DNM3: variants seen among roughly 807,000 people sequenced by gnomAD.
DNM3 encodes dynamin 3, also known as dynamin-3.
Under a neutral mutation model 101.6 loss-of-function variants are expected in DNM3, and 47 were observed. The ratio of observed to expected loss-of-function variants is 0.46; its 90% CI spans 0.37 to 0.59. The LOEUF (loss-of-function observed/expected upper bound fraction) is 0.59. DNM3 is among the 20% of genes least tolerant of loss of function. The pLI, the probability that DNM3 is intolerant of heterozygous loss-of-function variation, is 0.00. For missense variants in DNM3, 849 were observed against 1,085.7 expected (o/e 0.78, Z 3.06); for synonymous variants, 385 against 387.9 (o/e 0.99, Z 0.09).
At chr1:172,376,957 C>T (rs2068634049) in intron 17 of DNM3, among the ~76,000 whole-genome samples, 1 of 151,944 alleles carries the variant, frequency 6.6e-6, no homozygotes, top group South Asian at 2.1e-4. Context: ...GTTAAGAAAG[C>T]TGTAAAATGG....
chr1:171,893,161 ACTGT>A (rs765427600), intron 1 of DNM3, among the ~76,000 whole-genome samples: 4 of 152,026 alleles, frequency 2.6e-5, no homozygotes, highest in Non-Finnish European at 4.4e-5. Flanking sequence ...ATAGAGTTAG[ACTGT>A]CTGTTTTGTC....
At chr1:172,396,879 C>G (rs2070048358) in intron 20 of DNM3, among the ~76,000 whole-genome samples, 1 of 152,064 alleles carries the variant, frequency 6.6e-6, no homozygotes, top group South Asian at 2.1e-4. Context: ...ATGAGAAAGA[C>G]TTTTAAAGGC....
chr1:172,192,059 C>A (rs1353291817), intron 14 of DNM3, among the ~76,000 whole-genome samples: 2 of 152,158 alleles, frequency 1.3e-5, no homozygotes, highest in Non-Finnish European at 2.9e-5. Flanking sequence ...GAGAGGGCAT[C>A]CCTGTCTTGT....
intron 12 of DNM3, among the ~76,000 whole-genome samples, chr1:172,082,874 T>C (rs2053259512): frequency 6.6e-6 from 1 of 152,232 alleles, no homozygotes; most frequent in African/African-American, 2.4e-5. Context: ...TTGGCTGTGG[T>C]TGTGATGTCC....
chr1:171,858,972 A>G (rs1474935426), intron 1 of DNM3, among the ~76,000 whole-genome samples: 2 of 152,264 alleles, frequency 1.3e-5, no homozygotes, highest in Non-Finnish European at 1.5e-5. Flanking sequence ...GTAACCTTCC[A>G]ATCTGACTTT....
intron 10 of DNM3, among the ~76,000 whole-genome samples, chr1:172,061,005 AAAAC>A (rs2051137002): frequency 1.7e-5 from 2 of 116,422 alleles, no homozygotes; most frequent in South Asian, 2.8e-4. Flanking sequence ...TTACAAGAAA[AAAAC>A]AAACAACCCC....
chr1:171,885,928 G>A (rs1343270801), intron 1 of DNM3, among the ~76,000 whole-genome samples: 3 of 152,158 alleles, frequency 2.0e-5, no homozygotes, highest in Non-Finnish European at 4.4e-5. Context: ...AGACCCCTGA[G>A]GGTACAGGAT....
intron 14 of DNM3, among the ~76,000 whole-genome samples, chr1:172,252,912 A>C (rs556834604): frequency 1.7e-4 from 26 of 152,262 alleles, no homozygotes; most frequent in African/African-American, 5.5e-4. Context: ...GTCCACTTCT[A>C]ATGAATTTTT....
chr1:172,171,044 T>A (rs2058939301), intron 14 of DNM3, among the ~76,000 whole-genome samples: 3 of 151,826 alleles, frequency 2.0e-5, no homozygotes, highest in Admixed American at 2.0e-4. Flanking sequence ...TGTATGCTGG[T>A]CTTGTTTGTT....
At chr1:172,018,667 T>G (rs1276660286) in intron 4 of DNM3, among the ~76,000 whole-genome samples, 1 of 152,208 alleles carries the variant, frequency 6.6e-6, no homozygotes, top group Non-Finnish European at 1.5e-5. Context: ...TTCCTTGTAT[T>G]GTTTCTGTCA....
intron 4 of DNM3, among the ~76,000 whole-genome samples, chr1:172,018,391 G>A (rs150962065): frequency 4.6e-5 from 7 of 152,070 alleles, no homozygotes; most frequent in Middle Eastern, 3.4e-3. Flanking sequence ...CTTCTAAGTG[G>A]TTGCTCTAGA....
At chr1:172,057,378 A>G (rs899051968) in intron 10 of DNM3, among the ~76,000 whole-genome samples, 13 of 152,170 alleles carry the variant, frequency 8.5e-5, no homozygotes, top group African/African-American at 2.7e-4. Flanking sequence ...GAGCAACTCC[A>G]AGACACATAA....
At chr1:172,068,697 T>C in intron 10 of DNM3, 122 bp from the exon 11 acceptor site, 2 of 814,590 alleles carry the variant, frequency 2.5e-6, no homozygotes, top group East Asian at 2.7e-5. Context: ...GTTGATGATA[T>C]TTCATTTTTG....
intron 16 of DNM3, among the ~76,000 whole-genome samples, chr1:172,318,083 A>G (rs902943470): frequency 2.0e-5 from 3 of 152,246 alleles, no homozygotes; most frequent in Non-Finnish European, 4.4e-5. Flanking sequence ...CTGGTTCAAT[A>G]TATGTAAATC....
At chr1:172,204,017 A>G (rs2060243610) in intron 14 of DNM3, among the ~76,000 whole-genome samples, 1 of 152,148 alleles carries the variant, frequency 6.6e-6, no homozygotes, top group Non-Finnish European at 1.5e-5. Context: ...GCTATTAAAC[A>G]TATACTTCTG....
chr1:172,290,469 C>CT (rs2063863799), intron 15 of DNM3, among the ~76,000 whole-genome samples: 1 of 152,048 alleles, frequency 6.6e-6, no homozygotes, highest in Non-Finnish European at 1.5e-5. Flanking sequence ...GCCAATGTGG[C>CT]TGGAGCAGAA....
At chr1:171,908,482 T>A (rs2039011754) in intron 1 of DNM3, among the ~76,000 whole-genome samples, 1 of 152,162 alleles carries the variant, frequency 6.6e-6, no homozygotes, top group Non-Finnish European at 1.5e-5. Flanking sequence ...GTTTTTTCCA[T>A]CCAGTGGATC....
intron 14 of DNM3, among the ~76,000 whole-genome samples, chr1:172,209,486 A>G (rs2060438120): frequency 6.6e-6 from 1 of 152,020 alleles, no homozygotes; most frequent in Non-Finnish European, 1.5e-5. Context: ...ATTTCTGTTT[A>G]CCCAGGAGCC....
At chr1:172,311,236 A>G (rs1428921932) in intron 16 of DNM3, 1 of 152,048 alleles carries the variant, frequency 6.6e-6, no homozygotes, top group Non-Finnish European at 1.5e-5. Flanking sequence ...GAATATTATC[A>G]TACAGCCCAG....
Sources: allele counts gnomAD v4.1 joint callset (sites outside exome capture counted in the v4.1 genomes callset), GRCh38; gene constraint gnomAD v4.1.1; transcripts MANE v1.5; gene names NCBI Gene and HGNC (gene_info 2026-07-23, HGNC 2026-07-21).